POLRMT: variants seen among roughly 807,000 people sequenced by gnomAD.
POLRMT encodes the protein DNA-directed RNA polymerase, mitochondrial.
A neutral mutation model predicts 132.2 loss-of-function variants in POLRMT; 114 were observed. That is an observed-to-expected ratio of 0.86 (90% confidence interval 0.74 to 1.01). The LOEUF is 1.01. Ranked by LOEUF, POLRMT falls within the 50% of genes least tolerant of loss-of-function variation. The probability of loss-of-function intolerance (pLI) is 0.00; values close to 1 mark genes in which losing one functional copy is unlikely to be tolerated. For synonymous variants in POLRMT, 1,020 were observed against 773.4 expected, an observed-to-expected ratio of 1.32 and a Z score of -5.29; for missense variants, 2,003 against 1,729.1, an observed-to-expected ratio of 1.16 and a Z score of -2.81.
rs772374362 is a variant in POLRMT at position 629,759 on chromosome 19, C to T, written c.603G>A (p.Lys201=). 3.4e-5 allele frequency: 53 copies of T among 1,569,448 alleles called. No individual in the cohort carries two copies. Among genetic ancestry groups the T allele is most frequent in the Non-Finnish European group, 4.2e-5 (49 of 1,159,076 alleles). ...GGGCCTGCTCCACATCGAGGCTCAG[C>T]TTCCCAGGGGCCTCCTGCAGCAGCC... is the stretch of plus-strand genomic sequence containing the variant. ...LARLLQEAPG[K]LSLDVEQAPS... is the part of the protein sequence containing the mutation. The change falls in exon 3 of 21, where the codon AAG becomes AAA. Residue 201 remains lysine (K), a synonymous_variant. Coordinates refer to ENST00000588649, the MANE Select transcript of POLRMT (RefSeq NM_005035.4).
intron 3 of POLRMT, among the ~76,000 whole-genome samples, chr19:626,907 A>C (rs1600585513): frequency 1.3e-5 from 2 of 150,264 alleles, no homozygotes; most frequent in Admixed American, 1.3e-4. Flanking sequence ...ACATATATAT[A>C]TATATATAAA....
intron 17 of POLRMT, chr19:618,150 A>C: frequency 1.8e-6 from 1 of 562,410 alleles, no homozygotes; most frequent in Non-Finnish European, 3.2e-6. Flanking sequence ...ACCACCCCGC[A>C]TCCTGAGCAT....
intron 17 of POLRMT, chr19:618,276 C>T (rs1438797715): frequency 2.1e-5 from 12 of 570,370 alleles, no homozygotes; most frequent in Non-Finnish European, 3.7e-5. Flanking sequence ...CCATGCTCGG[C>T]TCTCCCTGTC....
At chr19:625,038 C>T in intron 4 of POLRMT, 86 bp downstream of exon 4, 1 of 1,524,990 alleles carries the variant, frequency 6.6e-7, no homozygotes, top group Non-Finnish European at 8.8e-7. Flanking sequence ...CTGGGGGTCC[C>T]CAGCCCCCAG....
At position 618,738 on chromosome 19, in the gene POLRMT, C is replaced by G; in HGVS notation, c.3290G>C (p.Ser1097Thr). The G allele has an allele frequency of 6.2e-7, 1 of 1,606,286 alleles. No homozygotes were observed. The highest frequency in any genetic ancestry group is 8.5e-7 in the Non-Finnish European group (1 of 1,176,902). Residue 1097 changes from serine to threonine, a missense_variant, in exon 16 of 21, where the codon AGC (serine) becomes ACC (threonine). Coordinates refer to ENST00000588649, the MANE Select transcript of POLRMT (RefSeq NM_005035.4). ...KVKQIGGGIQ[S>T]ITYTHNGDIS... is the part of the protein sequence containing the mutation. ...GTCTCCGTTGTGGGTGTAGGTGATGCTCTGAATTCCACCTCCTATTTGCTA... is the reference window on the plus strand; with the variant it reads ...GTCTCCGTTGTGGGTGTAGGTGATGGTCTGAATTCCACCTCCTATTTGCTA...
rs578184273 is a variant in POLRMT at position 623,668 on chromosome 19, G to A, written c.1141-65C>T. 5.0e-5 allele frequency: 78 copies of A among 1,568,748 alleles called. 1 individual carries two copies. In the South Asian group the frequency reaches 6.1e-4, roughly 12 times the overall value. On this transcript the variant is annotated intron_variant, in intron 5 of 20. Transcript: ENST00000588649. ...GGGCGACCTGCCCTCCCAGGACCCC[G>A]AGACAGCATGGGTGCACGCGTTTCT...
rs1312044093 is a variant in POLRMT, at chr19:632,819, G to T, written c.193+15C>A. 2 of 1,528,994 alleles carry T rather than the reference G, an allele frequency of 1.3e-6. No individual in the cohort carries two copies. The highest frequency in any genetic ancestry group is 2.0e-5 in the Admixed American group (1 of 50,350). 94.7% of individuals were successfully genotyped at this position (1,528,994 alleles called of 1,614,324 possible). ...GGACTCTCCTCTCCCGGGCCGCCGTGGGGGTCGCGCTCACCCTCCAGCAGC... is the reference window on the plus strand; with the variant it reads ...GGACTCTCCTCTCCCGGGCCGCCGTTGGGGTCGCGCTCACCCTCCAGCAGC... On this transcript the variant is annotated intron_variant, in intron 2 of 20. Coordinates refer to ENST00000588649, the MANE Select transcript of POLRMT (RefSeq NM_005035.4).
At chr19:621,001 CCGGGGGAGGGCG>C in intron 10 of POLRMT, 45 bp downstream of exon 10, 1 of 858,924 alleles carries the variant, frequency 1.2e-6, no homozygotes, top group Non-Finnish European at 1.4e-6. Context: ...CGCGGGGGCG[CCGGGGGAGGGCG>C]CGGGGGTGCC....
chr19:632,536 C>CGGGG (rs1286873223), intron 2 of POLRMT, among the ~76,000 whole-genome samples: 1 of 70,650 alleles, frequency 1.4e-5, no homozygotes, highest in African/African-American at 6.2e-5. Flanking sequence ...GCGGCGGGGC[C>CGGGG]GGGGGGGGGG....
chr19:632,320 G>C (rs1357426442), intron 2 of POLRMT, among the ~76,000 whole-genome samples: 3 of 152,206 alleles, frequency 2.0e-5, no homozygotes, highest in African/African-American at 4.8e-5. Context: ...CAGAAGCACC[G>C]GCGGGAAGCA....
At chr19:620,211 C>A (rs886946810) in intron 11 of POLRMT, 131 bp from the exon 12 acceptor site, 2 of 1,464,346 alleles carry the variant, frequency 1.4e-6, no homozygotes, top group Middle Eastern at 1.8e-4. Context: ...AGCCCCCGCA[C>A]GCTCCCGGGA....
At chr19:632,537 G>GGGC (rs1302888680) in intron 2 of POLRMT, among the ~76,000 whole-genome samples, 9 of 128,036 alleles carry the variant, frequency 7.0e-5, no homozygotes, top group African/African-American at 2.9e-4. Context: ...CGGCGGGGCC[G>GGGC]GGGGGGGGGT....
chr19:632,053 G>T, intron 2 of POLRMT, among the ~76,000 whole-genome samples: 1 of 149,176 alleles, frequency 6.7e-6, no homozygotes, highest in East Asian at 1.9e-4. Flanking sequence ...GATTACAGGC[G>T]TGAGCCACCG....
At position 624,934 on chromosome 19, in the gene POLRMT, C is replaced by T. The variant is rs369877432; in HGVS notation, c.954-29G>A. On this transcript the variant is annotated intron_variant, in intron 4 of 20. Transcript: ENST00000588649. ...TGGTGCAGGCGGCCTGCTCGAGGGA[C>T]GGGCCAGCCCCACGCTGGGCTTCCA... 1.0e-3 allele frequency: 1,589 copies of T among 1,583,502 alleles called. 10 individuals are homozygous for T. Among genetic ancestry groups the T allele is most frequent in the South Asian group, 6.0e-3 (528 of 87,982 alleles).
rs543996685 is a variant in POLRMT, at chr19:621,793, C to G, written c.1905G>C (p.Ala635=). 1.1e-5 allele frequency: 18 copies of G among 1,602,254 alleles called. No homozygotes were observed. In the South Asian group the frequency reaches 1.9e-4, roughly 17 times the overall value. Residue 635 remains alanine, a synonymous_variant, in exon 10 of 21, where the codon GCG becomes GCC. Coordinates refer to ENST00000588649, the MANE Select transcript of POLRMT (RefSeq NM_005035.4). ...PAYVQLLEKA[A]EPTLTFEAVD... ...CCGCCTCGAAGGTCAGCGTGGGCTC[C>G]GCGGCCTTCTCCAGCAGCTGCACGT...
rs1984428034 is a variant in POLRMT at position 620,408 on chromosome 19, G to A, written c.2720C>T (p.Ala907Val). The A allele has an allele frequency of 4.4e-6, 7 of 1,588,330 alleles. No individual in the cohort carries two copies. The highest frequency in any genetic ancestry group is 2.3e-5 in the South Asian group (2 of 87,430). The change falls in exon 11 of 21, where the codon GCC becomes GTC. Residue 907 changes from alanine to valine, a missense_variant. Physicochemically the swap from Ala to Val is moderately conservative, Grantham distance 64. Coordinates refer to ENST00000588649, the MANE Select transcript of POLRMT (RefSeq NM_005035.4). ...CCMEVANAVRASDPAAYVSHL... is the reference protein window; with the variant it reads ...CCMEVANAVRVSDPAAYVSHL... Reference sequence around the variant, plus strand: ...GGAGACATAGGCGGCAGGGTCGGAGGCGCGCACAGCGTTCGCCACCTCCAT... The same window carrying A: ...GGAGACATAGGCGGCAGGGTCGGAGACGCGCACAGCGTTCGCCACCTCCAT...
Position 624,700 on chromosome 19 carries a change from G to A in POLRMT, c.1140+19C>T, listed in dbSNP as rs762190255. ...GCAGCTATAAGGACTGAAGTCTGCC[G>A]GGGCCCACGTGGGCTCACCTTGGCA... is the stretch of plus-strand genomic sequence containing the variant. On this transcript the variant is annotated intron_variant, in intron 5 of 20. Coordinates refer to ENST00000588649, the MANE Select transcript of POLRMT (RefSeq NM_005035.4). 46 of 1,605,996 alleles carry A rather than the reference G, an allele frequency of 2.9e-5. No homozygotes were observed. Among genetic ancestry groups the A allele is most frequent in the South Asian group, 6.6e-5 (6 of 90,522 alleles).
chr19:622,003 G>A lies in POLRMT; in HGVS notation c.1851+146C>T, dbSNP rs1014744980. The A allele has an allele frequency of 2.1e-4, 241 of 1,129,638 alleles. No homozygotes were observed. The Middle Eastern group carries it at 2.6e-3, about 12-fold the overall frequency. The allele number at this position is 1,129,638 out of a possible 1,614,324, so 70.0% of individuals were successfully genotyped here. On this transcript the variant is annotated intron_variant, in intron 9 of 20. Coordinates refer to ENST00000588649, the MANE Select transcript of POLRMT (RefSeq NM_005035.4). Reference sequence around the variant, plus strand: ...CACCTCCAGAAACGGCCGGACACCTGCATGGACACCCATGGTGTGTCCCGA... The same window carrying A: ...CACCTCCAGAAACGGCCGGACACCTACATGGACACCCATGGTGTGTCCCGA...
At position 622,732 on chromosome 19, in the gene POLRMT, G is replaced by A; in HGVS notation, c.1476C>T (p.Ala492=). 6.3e-7 allele frequency: 1 copy of A among 1,595,190 alleles called. No homozygotes were observed. The highest frequency in any genetic ancestry group is 8.5e-7 in the Non-Finnish European group (1 of 1,172,428). ...MLLQVLQALP[A]QGESFTTLAR... ...CCAGGGTGGTGAAGGACTCACCTTG[G>A]GCGGGCAGCGCCTGCAGGACCTGCG... The change falls in exon 8 of 21, where the codon GCC becomes GCT. Residue 492 remains alanine, a synonymous_variant. Transcript: ENST00000588649.
Sources: gnomAD v4.1 joint callset for allele counts (sites outside exome capture counted in the v4.1 genomes callset) on GRCh38, gnomAD v4.1.1 for gene constraint, MANE v1.5 for transcripts, NCBI Gene and HGNC (gene_info 2026-07-23, HGNC 2026-07-21) for gene names.